Variants in CSMD1 observed in about 807,000 individuals in gnomAD.
CSMD1 encodes the protein CUB and sushi domain-containing protein 1.
Under a neutral mutation model 417.5 loss-of-function variants are expected in CSMD1, and 213 were observed. That is an observed-to-expected ratio of 0.51 (90% CI 0.46 to 0.57). The LOEUF (loss-of-function observed/expected upper bound fraction) is 0.57, where lower values mean the gene tolerates loss of function less well. Ranked by LOEUF, CSMD1 falls within the 20% of genes least tolerant of loss-of-function variation. The pLI is 0.00. For missense variants in CSMD1, 6,923 were observed against 4,529.7 expected (o/e 1.53, Z -15.17); for synonymous variants, 2,862 against 1,736.8 (o/e 1.65, Z -16.11).
chr8:4,442,781 G>C (rs1005211078), intron 2 of CSMD1, among the ~76,000 whole-genome samples: 7 of 152,158 alleles, frequency 4.6e-5, no homozygotes, highest in African/African-American at 1.7e-4. Flanking sequence ...AATGGTCTGT[G>C]ATAACTTACA....
rs1802148330 is a variant in CSMD1 at position 4,626,863 on chromosome 8, G to A, written c.302+10479C>T. Among the ~76,000 whole-genome samples the A allele has an allele frequency of 2.0e-5, 3 of 152,134 alleles. No homozygotes were observed. The South Asian group carries it at 6.2e-4, about 32-fold the overall frequency. ...ACATAAGCAAGAACGATATAAGCAA[G>A]AAGAAAATCAAGTGAAATACTTGCC... On this transcript the variant is annotated intron_variant, in intron 2 of 69. Transcript: ENST00000635120.
intron 5 of CSMD1, among the ~76,000 whole-genome samples, chr8:3,945,195 A>C (rs1315599668): frequency 1.3e-5 from 2 of 148,988 alleles, no homozygotes; most frequent in African/African-American, 5.0e-5. Context: ...AAAAAAAAAA[A>C]AACAGAAGCT....
At chr8:3,790,019 C>G (rs1056679329) in intron 5 of CSMD1, among the ~76,000 whole-genome samples, 5 of 152,174 alleles carry the variant, frequency 3.3e-5, no homozygotes, top group Non-Finnish European at 7.3e-5. Context: ...GCGTAAGCCA[C>G]CATGCCCGGC....
At chr8:4,497,676 A>G (rs1802047642) in intron 2 of CSMD1, among the ~76,000 whole-genome samples, 1 of 152,160 alleles carries the variant, frequency 6.6e-6, no homozygotes, top group Non-Finnish European at 1.5e-5. Context: ...CCATACTCCA[A>G]TTAAAGGGAA....
intron 2 of CSMD1, among the ~76,000 whole-genome samples, chr8:4,456,477 G>T (rs909058386): frequency 2.0e-4 from 31 of 152,086 alleles, no homozygotes; most frequent in African/African-American, 6.5e-4. Flanking sequence ...CAACAGACAG[G>T]GAATAGTCTT....
At chr8:3,499,353 T>A (rs1419900836) in intron 10 of CSMD1, among the ~76,000 whole-genome samples, 1 of 152,012 alleles carries the variant, frequency 6.6e-6, no homozygotes, top group South Asian at 2.1e-4. Context: ...GACTTTGGGG[T>A]GGCCTTGTTT....
At chr8:4,225,401 G>A (rs1801287781) in intron 3 of CSMD1, among the ~76,000 whole-genome samples, 1 of 151,576 alleles carries the variant, frequency 6.6e-6, no homozygotes, top group Non-Finnish European at 1.5e-5. Context: ...TAGTTCGTAA[G>A]CCTCTAGATA....
intron 1 of CSMD1, among the ~76,000 whole-genome samples, chr8:4,737,001 C>T (rs1002363102): frequency 2.0e-5 from 3 of 152,110 alleles, no homozygotes; most frequent in South Asian, 2.1e-4. Context: ...TTGATTTTTG[C>T]ATTTAACATT....
In CSMD1 at chr8:3,179,074, A is replaced by G. The variant is rs557052099; in HGVS notation, c.5725+2036T>C. 6.6e-3 allele frequency among the ~76,000 whole-genome samples: 990 copies of G among 150,758 alleles called. 8 individuals carry two copies. The highest frequency in any genetic ancestry group is 0.024 in the Middle Eastern group (7 of 288). ...GCCATTCTCCTGCCTCAGCCTCCTG[A>G]GCAGCTGGGACTACAGGCCCGCCAC... On this transcript the variant is annotated intron_variant, in intron 37 of 69. Transcript: ENST00000635120.
rs183973595 is a variant in CSMD1, at chr8:4,132,619, G to A, written c.416-100520C>T. On this transcript the variant is annotated intron_variant, in intron 3 of 69. Transcript: ENST00000635120. Reference sequence around the variant, plus strand: ...GATAATTCATTCCAGCACAGTGTTTGGCATTCATTCTAAGCCAAATAAATA... The same window carrying A: ...GATAATTCATTCCAGCACAGTGTTTAGCATTCATTCTAAGCCAAATAAATA... Among the ~76,000 whole-genome samples, 6 of 152,198 alleles carry A rather than the reference G, an allele frequency of 3.9e-5. No individual in the cohort carries two copies. The East Asian group carries it at 1.2e-3, about 30-fold the overall frequency.
chr8:3,320,819 G>C (rs1806103540), intron 23 of CSMD1, among the ~76,000 whole-genome samples: 2 of 152,220 alleles, frequency 1.3e-5, no homozygotes, highest in South Asian at 4.1e-4. Flanking sequence ...CGCCTGCAGA[G>C]CGAGGGCGCA....
chr8:3,038,323 T>G (rs189647963), intron 50 of CSMD1, among the ~76,000 whole-genome samples: 5 of 152,218 alleles, frequency 3.3e-5, no homozygotes, highest in African/African-American at 1.2e-4. Flanking sequence ...CCTGATATTT[T>G]AATTACATAA....
chr8:4,557,717 A>T (rs542137567), intron 2 of CSMD1, among the ~76,000 whole-genome samples: 2 of 152,090 alleles, frequency 1.3e-5, no homozygotes, highest in Non-Finnish European at 2.9e-5. Flanking sequence ...GATTTAATAA[A>T]TTTCTATACA....
chr8:3,254,678 G>C lies in CSMD1; in HGVS notation c.4154-24447C>G, dbSNP rs1051592464. 1.1e-4 allele frequency among the ~76,000 whole-genome samples: 16 copies of C among 152,196 alleles called. No homozygotes were observed. In the South Asian group the frequency reaches 3.1e-3, roughly 30 times the overall value. On this transcript the variant is annotated intron_variant, in intron 26 of 69. Transcript: ENST00000635120. ...TTGACCGAATTGGCTATTGAGACTT[G>C]TGCATTTGTCACTTAGTTCTCGAGC...
intron 3 of CSMD1, among the ~76,000 whole-genome samples, chr8:4,094,832 AT>A (rs1031612191): frequency 1.3e-5 from 2 of 152,312 alleles, no homozygotes; most frequent in African/African-American, 4.8e-5. Context: ...TATCAAGGAA[AT>A]AAAGGTGAAG....
At chr8:4,197,435 C>G (rs894255679) in intron 3 of CSMD1, among the ~76,000 whole-genome samples, 5 of 152,112 alleles carry the variant, frequency 3.3e-5, no homozygotes, top group Admixed American at 2.0e-4. Flanking sequence ...AGCAGATTTC[C>G]TTCTGTAATG....
intron 5 of CSMD1, among the ~76,000 whole-genome samples, chr8:3,830,081 T>C (rs1331272949): frequency 6.6e-6 from 1 of 152,226 alleles, no homozygotes; most frequent in Non-Finnish European, 1.5e-5. Flanking sequence ...ACCTTAATTT[T>C]CTTCTGTGCC....
chr8:4,330,832 C>G (rs141768020), intron 3 of CSMD1, among the ~76,000 whole-genome samples: 1 of 152,106 alleles, frequency 6.6e-6, no homozygotes, highest in South Asian at 2.1e-4. Flanking sequence ...GCACATGCAG[C>G]TCATATCCCA....
chr8:4,810,428 A>G (rs1798829891), intron 1 of CSMD1, among the ~76,000 whole-genome samples: 1 of 152,208 alleles, frequency 6.6e-6, no homozygotes, highest in Admixed American at 6.5e-5. Flanking sequence ...TATGCAGGGA[A>G]ACTAAACAAG....
Sources: gnomAD v4.1 joint callset for allele counts (sites outside exome capture counted in the v4.1 genomes callset) on GRCh38, gnomAD v4.1.1 for gene constraint, MANE v1.5 for transcripts, NCBI Gene and HGNC (gene_info 2026-07-23, HGNC 2026-07-21) for gene names.